The following CYB5R4 variants were observed in gnomAD, a reference collection of about 807,000 sequenced individuals.
CYB5R4 encodes N-terminal cytochrome b5 and cytochrome b5 oxidoreductase domain-containing protein.
Under a neutral mutation model 70.2 loss-of-function variants are expected in CYB5R4, and 55 were observed. That is an observed-to-expected ratio of 0.78 (90% confidence interval 0.63 to 0.98). The LOEUF is 0.98. CYB5R4 is among the 50% of genes least tolerant of loss of function. The pLI is 0.00. For synonymous variants in CYB5R4, 197 were observed against 199.5 expected (o/e 0.99, Z 0.11); for missense variants, 562 against 612.6 (o/e 0.92, Z 0.87).
intron 2 of CYB5R4, among the ~76,000 whole-genome samples, chr6:83,878,681 C>T (rs914188718): frequency 7.2e-5 from 11 of 152,020 alleles, no homozygotes; most frequent in African/African-American, 2.7e-4. Flanking sequence ...TCACACATTA[C>T]ATATAGAAGA....
Position 83,965,706 on chromosome 6 carries a change from A to T in CYB5R4, c.*5828A>T, listed in dbSNP as rs370806328. On this transcript the variant is annotated 3_prime_UTR_variant, in exon 16 of 16. Transcript: ENST00000369681. ...AAGATTTGGAGGAGCCAGGGGTGGG[A>T]TGATATGGTTTGGCTCTGTGTCCCC... 3.1e-4 allele frequency: 47 copies of T among 152,216 alleles called. No homozygotes were observed. Among genetic ancestry groups the T allele is most frequent in the African/African-American group, 1.1e-3 (46 of 41,518 alleles). 9.4% of individuals were successfully genotyped at this position (152,216 alleles called of 1,614,324 possible).
chr6:83,894,817 G>A (rs1391815280), intron 3 of CYB5R4, among the ~76,000 whole-genome samples: 1 of 152,136 alleles, frequency 6.6e-6, no homozygotes, highest in Non-Finnish European at 1.5e-5. Flanking sequence ...TCATCATGAA[G>A]GTCTTCATCC....
rs370465408 is a variant in CYB5R4 at position 83,859,989 on chromosome 6, A to G, written c.75+132A>G. Reference sequence around the variant, plus strand: ...GTCGTTCCCTGCTGTCCTTGCCTGCAACCTCTTTCTGATCCCACTTTGTCT... The same window carrying G: ...GTCGTTCCCTGCTGTCCTTGCCTGCGACCTCTTTCTGATCCCACTTTGTCT... On this transcript the variant is annotated intron_variant, in intron 1 of 15. Transcript: ENST00000369681. 8.6e-3 allele frequency: 7,058 copies of G among 821,370 alleles called. 69 individuals carry two copies. Among genetic ancestry groups the G allele is most frequent in the South Asian group, 0.034 (1,874 of 55,682 alleles). The allele number at this position is 821,370 out of a possible 1,614,324, so 50.9% of individuals were successfully genotyped here.
chr6:83,934,167 A>C (rs1334322977), intron 10 of CYB5R4, among the ~76,000 whole-genome samples: 1 of 151,560 alleles, frequency 6.6e-6, no homozygotes, highest in Non-Finnish European at 1.5e-5. Context: ...GCCAAGATGG[A>C]TGGATTGCTT....
At chr6:83,911,090 A>G (rs1184293426) in intron 4 of CYB5R4, among the ~76,000 whole-genome samples, 1 of 152,182 alleles carries the variant, frequency 6.6e-6, no homozygotes, top group African/African-American at 2.4e-5. Context: ...AGAAATAAGT[A>G]TGACTTTTAA....
chr6:83,940,299 C>A, intron 13 of CYB5R4, 93 bp downstream of exon 13: 2 of 1,220,516 alleles, frequency 1.6e-6, no homozygotes, highest in Non-Finnish European at 1.1e-6. Context: ...CCTTAATAGA[C>A]ATGTTACCAT....
chr6:83,938,994 C>G (rs977808996), intron 12 of CYB5R4, among the ~76,000 whole-genome samples: 18 of 151,932 alleles, frequency 1.2e-4, no homozygotes, highest in African/African-American at 4.4e-4. Flanking sequence ...GCCACCATGC[C>G]TGGCTAATTT....
chr6:83,869,981 T>C (rs2099457314), intron 2 of CYB5R4, among the ~76,000 whole-genome samples: 1 of 152,216 alleles, frequency 6.6e-6, no homozygotes, highest in South Asian at 2.1e-4. Flanking sequence ...GGAGAAAATA[T>C]ATGTCAGATA....
chr6:83,938,548 C>T (rs2099469282), intron 12 of CYB5R4, among the ~76,000 whole-genome samples: 1 of 152,174 alleles, frequency 6.6e-6, no homozygotes, highest in African/African-American at 2.4e-5. Context: ...AAGATATCCT[C>T]AATGGGACAT....
intron 2 of CYB5R4, among the ~76,000 whole-genome samples, chr6:83,888,804 TG>T (rs2099460653): frequency 1.3e-5 from 2 of 152,214 alleles, no homozygotes. Flanking sequence ...TGAAAAATGC[TG>T]AAAGCTATGC....
intron 12 of CYB5R4, among the ~76,000 whole-genome samples, chr6:83,939,096 G>A (rs1005676384): frequency 3.3e-5 from 5 of 151,836 alleles, no homozygotes; most frequent in Admixed American, 2.0e-4. Context: ...TTGGCCTCCC[G>A]AAGTGCTGGG....
intron 2 of CYB5R4, among the ~76,000 whole-genome samples, chr6:83,882,933 C>T (rs1323129292): frequency 6.6e-6 from 1 of 152,116 alleles, no homozygotes; most frequent in Non-Finnish European, 1.5e-5. Context: ...GAGATTGCAC[C>T]ACTACACTCC....
intron 2 of CYB5R4, among the ~76,000 whole-genome samples, chr6:83,881,527 G>A (rs1347329816): frequency 3.3e-5 from 5 of 152,086 alleles, no homozygotes; most frequent in East Asian, 1.9e-4. Flanking sequence ...TATGACTTTC[G>A]GAGCTGCCTG....
Position 83,940,079 on chromosome 6 carries a change from C to G in CYB5R4, c.1132C>G (p.Pro378Ala). The G allele has an allele frequency of 6.2e-7, 1 of 1,605,918 alleles. No homozygotes were observed. Among genetic ancestry groups the G allele is most frequent in the African/African-American group, 1.3e-5 (1 of 74,168 alleles). ...AGGAGATTTTGTTTCTGTAAGCAGTCCTGAGGGCAATTTTAAAATATCCAA... is the reference window on the plus strand; with the variant it reads ...AGGAGATTTTGTTTCTGTAAGCAGTGCTGAGGGCAATTTTAAAATATCCAA... ...QIGDFVSVSS[P>A]EGNFKISKFQ... Residue 378 changes from proline to alanine, a missense_variant, in exon 13 of 16, where the codon CCT (proline) becomes GCT (alanine). Physicochemically the swap from Pro to Ala is conservative, Grantham distance 27 (BLOSUM62 -1). Transcript: ENST00000369681.
chr6:83,883,935 C>A (rs1484839070), intron 2 of CYB5R4, among the ~76,000 whole-genome samples: 1 of 151,666 alleles, frequency 6.6e-6, no homozygotes. Flanking sequence ...GTTCCTAGAA[C>A]AATCACTTAA....
At chr6:83,880,095 C>G (rs1011535388) in intron 2 of CYB5R4, among the ~76,000 whole-genome samples, 1 of 152,090 alleles carries the variant, frequency 6.6e-6, no homozygotes, top group African/African-American at 2.4e-5. Flanking sequence ...TGTTTTCCCA[C>G]TTTTTAAATT....
intron 14 of CYB5R4, 24 bp downstream of exon 14, chr6:83,940,625 C>T (rs766985736): frequency 1.3e-5 from 21 of 1,582,260 alleles, no homozygotes; most frequent in East Asian, 2.3e-5. Flanking sequence ...ATTAGCTCTG[C>T]GTTTAGTTAT....
chr6:83,860,708 T>C (rs927116285), intron 1 of CYB5R4, among the ~76,000 whole-genome samples: 3 of 152,198 alleles, frequency 2.0e-5, no homozygotes, highest in African/African-American at 7.2e-5. Context: ...GGAACCCTTA[T>C]CGATTTTCTT....
At position 83,859,837 on chromosome 6, in the gene CYB5R4, G is replaced by A; in HGVS notation, c.55G>A (p.Ala19Thr). ...FPAPRSQQRV[A>T]SGGRSKVPLK... The stretch of plus-strand genomic sequence containing the variant: ...GGCCCCCAGGTCGCAGCAGCGTGTC[G>A]CCTCCGGGGGGCGTAGCAAGGTAAG... Residue 19 changes from alanine (A) to threonine (T), a missense_variant, in exon 1 of 16, where the codon GCC becomes ACC. By Grantham distance (58) the Ala-to-Thr change is moderately conservative. Transcript: ENST00000369681. 1 of 1,613,022 alleles carries A rather than the reference G, an allele frequency of 6.2e-7. No homozygotes were observed. Among genetic ancestry groups the A allele is most frequent in the Non-Finnish European group, 8.5e-7 (1 of 1,179,690 alleles).
Sources: gnomAD v4.1 joint callset for allele counts (sites outside exome capture counted in the v4.1 genomes callset) on GRCh38, gnomAD v4.1.1 for gene constraint, MANE v1.5 for transcripts, NCBI Gene and HGNC (gene_info 2026-07-23, HGNC 2026-07-21) for gene names.